Variants in KLRG1 observed in about 807,000 individuals in gnomAD.
The protein encoded by KLRG1 is killer cell lectin like receptor G1.
Under a neutral mutation model 21.8 loss-of-function variants are expected in KLRG1, and 16 were observed. The ratio of observed to expected loss-of-function variants is 0.73; its 90% CI spans 0.50 to 1.11. The LOEUF (loss-of-function observed/expected upper bound fraction) is 1.11. Ranked by LOEUF, KLRG1 falls within the 50% of genes most tolerant of loss-of-function variation. KLRG1 has a pLI of 0.00. For missense variants in KLRG1, 173 were observed against 218.3 expected (o/e 0.79, Z 1.31); for synonymous variants, 69 against 75.9 (o/e 0.91, Z 0.47).
the KLRG1 span, among the ~76,000 whole-genome samples, chr12:9,035,657 A>G: frequency 1.3e-5 from 2 of 152,044 alleles, no homozygotes; most frequent in Non-Finnish European, 2.9e-5. Flanking sequence ...GTATATACCC[A>G]AAGGAATATA....
chr12:9,067,717 C>T, the KLRG1 span: 1 of 953,402 alleles, frequency 1.0e-6, no homozygotes, highest in South Asian at 1.4e-5. Flanking sequence ...AGACATTGAC[C>T]AGAAAAAGTG....
At chr12:9,028,678 G>A in the KLRG1 span, 9 of 431,162 alleles carry the variant, frequency 2.1e-5, no homozygotes, top group Middle Eastern at 7.4e-4. Flanking sequence ...TCTTGACCTC[G>A]TGATCCACCC....
At chr12:8,997,434 C>G (rs1592270942) in intron 3 of KLRG1, among the ~76,000 whole-genome samples, 2 of 152,088 alleles carry the variant, frequency 1.3e-5, no homozygotes, top group East Asian at 3.8e-4. Context: ...GATTTACATA[C>G]TATTTTGAGG....
chr12:8,950,134 C>G (rs1222714816), exon 1 of KLRG1: 1 of 152,262 alleles, frequency 6.6e-6, no homozygotes, highest in Non-Finnish European at 1.5e-5. Context: ...CTTCGAGTCT[C>G]GACTCCACTG....
At chr12:9,079,795 T>C in the KLRG1 span, 1 of 1,610,416 alleles carries the variant, frequency 6.2e-7, no homozygotes, top group Admixed American at 1.7e-5. Context: ...GTGTTTTGCA[T>C]GGCAGAGCCT....
the KLRG1 span, chr12:9,106,553 A>T: frequency 6.3e-7 from 1 of 1,597,078 alleles, no homozygotes; most frequent in Admixed American, 1.7e-5. Flanking sequence ...CTTCCTCTTC[A>T]GCTGGAAGAC....
the KLRG1 span, chr12:9,153,176 G>A: frequency 6.2e-7 from 1 of 1,614,206 alleles, no homozygotes; most frequent in East Asian, 2.2e-5. Context: ...ATTCTCCAGG[G>A]AGCTCTGGCA....
chr12:9,196,758 T>G, the KLRG1 span: 1 of 1,342,406 alleles, frequency 7.4e-7, no homozygotes, highest in Non-Finnish European at 1.1e-6. Context: ...CTATTCTGTC[T>G]CTAATGACAA....
chr12:9,184,752 G>A, the KLRG1 span, among the ~76,000 whole-genome samples: 1 of 152,172 alleles, frequency 6.6e-6, no homozygotes, highest in African/African-American at 2.4e-5. Flanking sequence ...CAAAGCTGGA[G>A]CCAGATACCA....
chr12:9,196,497 C>G, the KLRG1 span: 5 of 1,573,886 alleles, frequency 3.2e-6, no homozygotes, highest in Non-Finnish European at 4.4e-6. Context: ...AAATTTCTTT[C>G]TTACAAATGA....
the KLRG1 span, among the ~76,000 whole-genome samples, chr12:9,202,057 T>C: frequency 6.6e-6 from 1 of 152,226 alleles, no homozygotes; most frequent in African/African-American, 2.4e-5. Context: ...TATGCTTCTT[T>C]AATATTCTTA....
the KLRG1 span, among the ~76,000 whole-genome samples, chr12:9,120,199 A>G: frequency 6.6e-6 from 1 of 152,246 alleles, no homozygotes; most frequent in African/African-American, 2.4e-5. Context: ...CTATAGGAAC[A>G]GCATCCATCA....
rs138557879 is a variant in KLRG1, at chr12:9,006,340, A to G, written c.358-2635A>G. ...TTGGGGAGGGAACATTTGAGTTGATATCTAGACCTGATTGACAGCCATGTA... is the reference window on the plus strand; with the variant it reads ...TTGGGGAGGGAACATTTGAGTTGATGTCTAGACCTGATTGACAGCCATGTA... On this transcript the variant is annotated intron_variant, in intron 3 of 4. Coordinates refer to ENST00000356986, the MANE Select transcript of KLRG1 (RefSeq NM_005810.4). Among the ~76,000 whole-genome samples, 1,290 of 152,328 alleles carry G rather than the reference A, an allele frequency of 8.5e-3. 6 individuals carry two copies. Among genetic ancestry groups the G allele is most frequent in the Non-Finnish European group, 0.013 (879 of 68,022 alleles).
chr12:9,158,696 G>T, the KLRG1 span: 1 of 884,220 alleles, frequency 1.1e-6, no homozygotes, highest in Non-Finnish European at 1.6e-6. Flanking sequence ...AGCTGTTACT[G>T]AGAGTTTGGA....
chr12:9,079,971 C>T, the KLRG1 span: 2 of 947,404 alleles, frequency 2.1e-6, no homozygotes, highest in Non-Finnish European at 3.0e-6. Flanking sequence ...ATAAACAAGC[C>T]CAAAGAAGAA....
chr12:9,160,665 A>G, the KLRG1 span, among the ~76,000 whole-genome samples: 3 of 152,216 alleles, frequency 2.0e-5, no homozygotes, highest in Middle Eastern at 3.2e-3. Flanking sequence ...CTGTAATCCC[A>G]GCACTTTGGG....
At chr12:8,994,547 G>GT (rs1318959310) in intron 2 of KLRG1, among the ~76,000 whole-genome samples, 5 of 152,156 alleles carry the variant, frequency 3.3e-5, no homozygotes, top group African/African-American at 9.7e-5. Flanking sequence ...AGGTATAAGG[G>GT]TTTTTTTCCA....
At position 9,010,492 on chromosome 12, in the gene KLRG1, C is replaced by T; in HGVS notation, c.*955C>T. On this transcript the variant is annotated 3_prime_UTR_variant, in exon 5 of 5. Transcript: ENST00000356986. ...TTGGATCACCAAATTATCTTAGGTA[C>T]TAAGGCCTCAAAAATAAGAAAAACT... 6.5e-6 allele frequency: 1 copy of T among 154,388 alleles called. No homozygotes were observed. The highest frequency in any genetic ancestry group is 1.4e-5 in the Non-Finnish European group (1 of 69,488). 9.6% of individuals were successfully genotyped at this position (154,388 alleles called of 1,614,324 possible). A position where few individuals can be genotyped will look rare whatever the true frequency, so the allele number is the denominator to read the frequency against.
the KLRG1 span, among the ~76,000 whole-genome samples, chr12:9,144,942 A>T: frequency 6.6e-6 from 1 of 152,192 alleles, no homozygotes; most frequent in African/African-American, 2.4e-5. Context: ...ATTAAGGGGA[A>T]CTTTAAAATG....
Sources: allele counts gnomAD v4.1 joint callset (sites outside exome capture counted in the v4.1 genomes callset), GRCh38; gene constraint gnomAD v4.1.1; transcripts MANE v1.5; gene names NCBI Gene and HGNC (gene_info 2026-07-23, HGNC 2026-07-21).